The following ERC2 variants were observed in gnomAD, a reference collection of about 807,000 sequenced individuals.
The protein encoded by ERC2 is ERC protein 2.
In ERC2, 42 loss-of-function variants were observed where a neutral mutation model predicts 114.8. The ratio of observed to expected loss-of-function variants is 0.37; its 90% CI spans 0.29 to 0.47. The LOEUF is 0.47. Among genes scored for constraint, ERC2 ranks in the 20% least tolerant of loss-of-function variants. The pLI, the probability that ERC2 is intolerant of heterozygous loss-of-function variation, is 0.99. For missense variants in ERC2, 939 were observed against 1,150.7 expected (o/e 0.82, Z 2.66); for synonymous variants, 454 against 425.5 (o/e 1.07, Z -0.82).
At chr3:56,371,963 G>C (rs1412845196) in intron 2 of ERC2, among the ~76,000 whole-genome samples, 1 of 152,226 alleles carries the variant, frequency 6.6e-6, no homozygotes, top group African/African-American at 2.4e-5. Context: ...GTGCCACCCA[G>C]CCCTGGGATC....
chr3:56,059,974 A>T (rs899865269), intron 7 of ERC2, among the ~76,000 whole-genome samples: 1 of 152,206 alleles, frequency 6.6e-6, no homozygotes, highest in African/African-American at 2.4e-5. Context: ...TGATCTACAA[A>T]TGTGTCTGTT....
intron 12 of ERC2, among the ~76,000 whole-genome samples, chr3:55,974,722 C>T (rs1048787546): frequency 6.6e-6 from 1 of 152,148 alleles, no homozygotes; most frequent in Non-Finnish European, 1.5e-5. Flanking sequence ...CCACTGCCTC[C>T]ATGAAGGCCC....
intron 14 of ERC2, among the ~76,000 whole-genome samples, chr3:55,818,583 T>C (rs1009609046): frequency 2.0e-5 from 3 of 152,218 alleles, no homozygotes; most frequent in Admixed American, 6.5e-5. Context: ...TCTCACTGGC[T>C]ACTTGCAAGC....
intron 14 of ERC2, among the ~76,000 whole-genome samples, chr3:55,869,318 A>G (rs952754015): frequency 3.9e-5 from 6 of 152,066 alleles, no homozygotes; most frequent in African/African-American, 1.4e-4. Flanking sequence ...GTGGTAGAAG[A>G]TTATCTATTA....
At chr3:55,522,555 G>A (rs2053032426) in intron 17 of ERC2, among the ~76,000 whole-genome samples, 1 of 152,158 alleles carries the variant, frequency 6.6e-6, no homozygotes, top group Non-Finnish European at 1.5e-5. Flanking sequence ...AGAATGAGGA[G>A]TTTGAGAAAA....
chr3:56,249,424 C>T (rs1020616461), intron 3 of ERC2, among the ~76,000 whole-genome samples: 5 of 151,926 alleles, frequency 3.3e-5, no homozygotes, highest in African/African-American at 4.8e-5. Flanking sequence ...CTCCCGGGTT[C>T]ACGCCATTCT....
intron 14 of ERC2, among the ~76,000 whole-genome samples, chr3:55,812,647 C>CGGG (rs1559696399): frequency 6.6e-6 from 1 of 152,096 alleles, no homozygotes; most frequent in Non-Finnish European, 1.5e-5. Context: ...TACTTAAAAG[C>CGGG]GGGGGAAGGG....
intron 14 of ERC2, among the ~76,000 whole-genome samples, chr3:55,861,823 C>G (rs1324667994): frequency 2.6e-5 from 4 of 152,204 alleles, no homozygotes; most frequent in Non-Finnish European, 4.4e-5. Context: ...TCTAGCCTCT[C>G]TGGGCCTCAG....
intron 13 of ERC2, among the ~76,000 whole-genome samples, chr3:55,934,103 T>C (rs971207709): frequency 1.3e-5 from 2 of 152,200 alleles, no homozygotes; most frequent in Non-Finnish European, 2.9e-5. Flanking sequence ...TATACGCGCA[T>C]ATATACCATA....
chr3:56,438,950 A>G (rs1280600061), intron 1 of ERC2, among the ~76,000 whole-genome samples: 2 of 152,208 alleles, frequency 1.3e-5, no homozygotes, highest in East Asian at 3.8e-4. Context: ...TGTTTGAAAT[A>G]TTGTTTCCTT....
intron 13 of ERC2, among the ~76,000 whole-genome samples, chr3:55,926,754 T>C (rs571205357): frequency 6.6e-6 from 1 of 151,988 alleles, no homozygotes; most frequent in South Asian, 2.1e-4. Flanking sequence ...CCCTGGAGAG[T>C]CCTCCACAGC....
intron 14 of ERC2, among the ~76,000 whole-genome samples, chr3:55,855,126 G>A (rs2061735607): frequency 6.6e-6 from 1 of 152,132 alleles, no homozygotes; most frequent in South Asian, 2.1e-4. Flanking sequence ...CTCAAAAGGA[G>A]GTGAACTGCC....
At chr3:55,882,653 G>T (rs977480789) in intron 14 of ERC2, among the ~76,000 whole-genome samples, 1 of 152,324 alleles carries the variant, frequency 6.6e-6, no homozygotes, top group Middle Eastern at 3.4e-3. Flanking sequence ...AAGAAGGCAG[G>T]AGATGATTTA....
At chr3:55,566,920 G>A (rs569451325) in intron 17 of ERC2, among the ~76,000 whole-genome samples, 95 of 151,918 alleles carry the variant, frequency 6.3e-4, no homozygotes, top group African/African-American at 2.2e-3. Flanking sequence ...AGGCTAGTCT[G>A]GAACTCCTGA....
intron 7 of ERC2, among the ~76,000 whole-genome samples, chr3:56,053,366 T>G (rs555292557): frequency 7.8e-4 from 119 of 152,014 alleles, no homozygotes; most frequent in Non-Finnish European, 1.4e-3. Context: ...CTGTGAGGGA[T>G]GGGGAGAAGT....
intron 1 of ERC2, among the ~76,000 whole-genome samples, chr3:56,464,579 T>C (rs1265673995): frequency 6.6e-6 from 1 of 152,274 alleles, no homozygotes; most frequent in Non-Finnish European, 1.5e-5. Context: ...GCATGTCTTA[T>C]ATCTTCATTC....
At chr3:55,850,739 G>A (rs2061533087) in intron 14 of ERC2, among the ~76,000 whole-genome samples, 1 of 151,936 alleles carries the variant, frequency 6.6e-6, no homozygotes, top group African/African-American at 2.4e-5. Flanking sequence ...TCACAGAGTT[G>A]TTCCCTATGG....
intron 4 of ERC2, among the ~76,000 whole-genome samples, chr3:56,151,543 G>A (rs889370833): frequency 6.6e-6 from 1 of 152,086 alleles, no homozygotes; most frequent in Admixed American, 6.6e-5. Flanking sequence ...TATTCAAAAC[G>A]CCAAACCAGA....
intron 6 of ERC2, among the ~76,000 whole-genome samples, chr3:56,088,471 G>GA (rs1399967022): frequency 2.0e-5 from 3 of 151,950 alleles, no homozygotes; most frequent in South Asian, 2.1e-4. Context: ...AAAGAAGGGG[G>GA]AAAAAATGAC....
Sources: allele counts gnomAD v4.1 joint callset (sites outside exome capture counted in the v4.1 genomes callset), GRCh38; gene constraint gnomAD v4.1.1; transcripts MANE v1.5; gene names NCBI Gene and HGNC (gene_info 2026-07-23, HGNC 2026-07-21).